TNIP1: variants seen among roughly 807,000 people sequenced by gnomAD.
TNIP1 encodes the protein TNFAIP3 interacting protein 1, also known as TNFAIP3-interacting protein 1.
Under a neutral mutation model 86.6 loss-of-function variants are expected in TNIP1, and 22 were observed. That is an observed-to-expected ratio of 0.25 (90% confidence interval 0.18 to 0.36). The LOEUF (loss-of-function observed/expected upper bound fraction) is 0.36, where lower values mean the gene tolerates loss of function less well. Among genes scored for constraint, TNIP1 ranks in the 10% least tolerant of loss-of-function variants. TNIP1 has a pLI of 1.00. For missense variants in TNIP1, 709 were observed against 820.6 expected, an observed-to-expected ratio of 0.86 and a Z score of 1.66; for synonymous variants, 294 against 313.0, an observed-to-expected ratio of 0.94 and a Z score of 0.64.
intron 1 of TNIP1, among the ~76,000 whole-genome samples, chr5:151,070,869 C>T (rs1321433486): frequency 6.6e-6 from 1 of 151,916 alleles, no homozygotes; most frequent in Non-Finnish European, 1.5e-5. Context: ...CCTGCCATTC[C>T]ACATTTGTCC....
intron 13 of TNIP1, 52 bp downstream of exon 13, chr5:151,036,738 G>A: frequency 1.9e-6 from 3 of 1,612,532 alleles, no homozygotes; most frequent in South Asian, 1.1e-5. Flanking sequence ...CCTCAGGAAA[G>A]CTCCAGCTCC....
At chr5:151,032,486 T>C (rs1025210738) in intron 16 of TNIP1, 103 bp from the exon 17 acceptor site, 3 of 1,174,690 alleles carry the variant, frequency 2.6e-6, no homozygotes, top group African/African-American at 3.1e-5. Flanking sequence ...CAAGTATAAT[T>C]GAATCTTTAT....
At chr5:151,057,008 C>T (rs546714298) in intron 5 of TNIP1, 51 bp from the exon 6 acceptor site, 29 of 1,355,474 alleles carry the variant, frequency 2.1e-5, no homozygotes, top group African/African-American at 7.5e-5. Flanking sequence ...CCTGAGTAGG[C>T]GCCGCCAGTC....
chr5:151,049,912 C>T lies in TNIP1; in HGVS notation c.758G>A (p.Ser253Asn). ...AGACGCACCCTCTTTGTTGCCATTG[C>T]TCATCAACAACTTCTTGAGCTCCAA... ...ENLELKKLLM[S>N]NGNKEGASGR... Residue 253 changes from serine to asparagine, a missense_variant, in exon 8 of 18, where the codon AGC (serine) becomes AAC (asparagine). Coordinates refer to ENST00000521591, the MANE Select transcript of TNIP1 (RefSeq NM_006058.5). 6.2e-7 allele frequency: 1 copy of T among 1,614,214 alleles called. No homozygotes were observed. Among genetic ancestry groups the T allele is most frequent in the Non-Finnish European group, 8.5e-7 (1 of 1,180,028 alleles).
At chr5:151,030,891 T>C in intron 17 of TNIP1, 144 bp from the exon 18 acceptor site, 1 of 628,834 alleles carries the variant, frequency 1.6e-6, no homozygotes, top group Non-Finnish European at 2.8e-6. Flanking sequence ...GTACCTTAAG[T>C]ACGCTGGTCA....
chr5:151,070,032 T>A (rs951962063), intron 1 of TNIP1, among the ~76,000 whole-genome samples: 2 of 152,114 alleles, frequency 1.3e-5, no homozygotes, highest in African/African-American at 4.8e-5. Context: ...AGAGGGGGCC[T>A]CACCTGCACT....
upstream of TNIP1, among the ~76,000 whole-genome samples, chr5:151,082,353 G>A (rs940662733): frequency 2.6e-5 from 4 of 152,118 alleles, no homozygotes; most frequent in African/African-American, 9.7e-5. Context: ...GGGAGGAAGC[G>A]ATGCAAACTC....
chr5:151,060,289 C>A (rs1238561677), intron 5 of TNIP1, 29 bp downstream of exon 5: 2 of 1,612,968 alleles, frequency 1.2e-6, no homozygotes, highest in South Asian at 1.1e-5. Context: ...GGCAGCAGGT[C>A]AAGCCCGGGG....
At position 151,045,878 on chromosome 5, in the gene TNIP1, C is replaced by G; in HGVS notation, c.919G>C (p.Glu307Gln). ...GAAEKKVKMLEQQRSELLEVN... is the reference protein window; with the variant it reads ...GAAEKKVKMLQQQRSELLEVN... Reference sequence around the variant, plus strand: ...CCACCTACCTCACTGCGCTGCTGCTCCAGCATCTTCACCTTCTTCTCGGCT... The same window carrying G: ...CCACCTACCTCACTGCGCTGCTGCTGCAGCATCTTCACCTTCTTCTCGGCT... The change falls in exon 9 of 18, where the codon GAG becomes CAG. Residue 307 changes from glutamate to glutamine, a missense_variant. Physicochemically the swap from Glu to Gln is conservative, Grantham distance 29. Transcript: ENST00000521591. 6.2e-7 allele frequency: 1 copy of G among 1,614,098 alleles called. No homozygotes were observed. Among genetic ancestry groups the G allele is most frequent in the Non-Finnish European group, 8.5e-7 (1 of 1,180,014 alleles).
intron 8 of TNIP1, chr5:151,046,184 T>C: frequency 3.7e-6 from 2 of 538,476 alleles, no homozygotes; most frequent in South Asian, 2.0e-5. Context: ...CCCTCTCCCC[T>C]TCCCTTCTCC....
intron 17 of TNIP1, 80 bp downstream of exon 17, chr5:151,032,207 C>A: frequency 7.9e-7 from 1 of 1,259,882 alleles, no homozygotes; most frequent in South Asian, 1.3e-5. Context: ...CTAACGACAT[C>A]ACCCCCAAAC....
At chr5:151,079,605 G>A (rs1318405467) in intron 1 of TNIP1, among the ~76,000 whole-genome samples, 1 of 140,868 alleles carries the variant, frequency 7.1e-6, no homozygotes, top group South Asian at 2.3e-4. Context: ...CTGGGTAACA[G>A]AGTGAGACTC....
intron 3 of TNIP1, 134 bp downstream of exon 3, chr5:151,063,479 G>A (rs183830794): frequency 1.5e-6 from 2 of 1,345,628 alleles, no homozygotes; most frequent in Admixed American, 4.4e-5. Context: ...GCCAAAACAT[G>A]AATGGAAGGG....
In TNIP1 at chr5:151,062,138, G is replaced by C; in HGVS notation, c.346C>G (p.Pro116Ala). Residue 116 changes from proline (P) to alanine (A), a missense_variant, in exon 4 of 18, where the codon CCT (proline) becomes GCT (alanine). Coordinates refer to ENST00000521591, the MANE Select transcript of TNIP1 (RefSeq NM_006058.5). ...CAAATAAAACTTACACTGGATGGAG[G>C]CTTCTGGACTGGTGCTGGCTTGTCA... is the stretch of plus-strand genomic sequence containing the variant. ...PSDKPAPVQK[P>A]PSSGTSSEFE... The C allele has an allele frequency of 6.2e-7, 1 of 1,614,146 alleles. No homozygotes were observed. The highest frequency in any genetic ancestry group is 8.5e-7 in the Non-Finnish European group (1 of 1,179,998).
At chr5:151,045,044 A>T (rs1160927060) in intron 9 of TNIP1, among the ~76,000 whole-genome samples, 2 of 152,230 alleles carry the variant, frequency 1.3e-5, no homozygotes, top group South Asian at 2.1e-4. Flanking sequence ...AAATTCTTGA[A>T]ATGGGAGTCT....
At chr5:151,032,133 TGCC>T in intron 17 of TNIP1, 151 bp downstream of exon 17, 1 of 629,810 alleles carries the variant, frequency 1.6e-6, no homozygotes, top group Non-Finnish European at 2.8e-6. Flanking sequence ...ACTCTGTGGT[TGCC>T]ATTACTCTCC....
At chr5:151,036,259 C>T (rs531973204) in intron 13 of TNIP1, among the ~76,000 whole-genome samples, 123 of 152,292 alleles carry the variant, frequency 8.1e-4, no homozygotes, top group Non-Finnish European at 1.4e-3. Context: ...ACAACCTTTT[C>T]GCTTTCTTTC....
At chr5:151,040,977 C>A (rs2113382134) in intron 11 of TNIP1, among the ~76,000 whole-genome samples, 1 of 152,288 alleles carries the variant, frequency 6.6e-6, no homozygotes, top group Non-Finnish European at 1.5e-5. Context: ...TGGGCAGATA[C>A]TACTACTTCA....
chr5:151,073,803 G>A (rs960279678), intron 1 of TNIP1, among the ~76,000 whole-genome samples: 2 of 151,854 alleles, frequency 1.3e-5, no homozygotes, highest in African/African-American at 2.4e-5. Flanking sequence ...GGAAAGTTGA[G>A]GTGGGAGGAT....
Sources: allele counts gnomAD v4.1 joint callset (sites outside exome capture counted in the v4.1 genomes callset), GRCh38; gene constraint gnomAD v4.1.1; transcripts MANE v1.5; gene names NCBI Gene and HGNC (gene_info 2026-07-23, HGNC 2026-07-21).